GNG4: variants seen among roughly 807,000 people sequenced by gnomAD.
The protein encoded by GNG4 is guanine nucleotide-binding protein G(I)/G(S)/G(O) subunit gamma-4.
A neutral mutation model predicts 5.8 loss-of-function variants in GNG4; 4 were observed. The ratio of observed to expected loss-of-function variants is 0.69; its 90% confidence interval spans 0.34 to 1.57. GNG4 has a LOEUF of 1.57. Among genes scored for constraint, GNG4 ranks in the 40% most tolerant of loss-of-function variants. The probability of loss-of-function intolerance (pLI) is 0.06; values close to 1 mark genes in which losing one functional copy is unlikely to be tolerated. For synonymous variants in GNG4, 29 were observed against 32.9 expected, an observed-to-expected ratio of 0.88 and a Z score of 0.41; for missense variants, 96 against 95.1, an observed-to-expected ratio of 1.01 and a Z score of -0.04.
Position 235,639,016 on chromosome 1 carries a change from T to C in GNG4, c.-123+10646A>G, listed in dbSNP as rs138773650. ...AATTATTTATAATCCTTTGGGTATA[T>C]ACCCAGTAACGGGCCCTCCTGCATT... On this transcript the variant is annotated intron_variant, in intron 1 of 3. Coordinates refer to ENST00000391854, the MANE Select transcript of GNG4 (RefSeq NM_001098722.2). 9.1e-3 allele frequency among the ~76,000 whole-genome samples: 1,382 copies of C among 152,262 alleles called. 17 individuals carry two copies. The highest frequency in any genetic ancestry group is 0.032 in the African/African-American group (1,319 of 41,524).
chr1:235,584,917 T>C (rs1687723540), intron 2 of GNG4, among the ~76,000 whole-genome samples: 1 of 152,218 alleles, frequency 6.6e-6, no homozygotes, highest in African/African-American at 2.4e-5. Flanking sequence ...TTGGACTTTA[T>C]TGTATTAATT....
At position 235,631,574 on chromosome 1, in the gene GNG4, T is replaced by TC. The variant is rs1258822791; in HGVS notation, c.-123+18087dup. ...AGCTTACTTTTTTCTTTTCTTTCTT[T>TC]CTTTTTTTTTTTTTCAGACAGAGTC... On this transcript the variant is annotated intron_variant, in intron 1 of 3. Transcript: ENST00000391854. Among the ~76,000 whole-genome samples the TC allele has an allele frequency of 6.3e-4, 66 of 104,202 alleles. 1 individual carries two copies. The highest frequency in any genetic ancestry group is 3.8e-3 in the African/African-American group (64 of 16,872). 68.4% of individuals were successfully genotyped at this position (104,202 alleles called of 152,430 possible).
intron 1 of GNG4, among the ~76,000 whole-genome samples, chr1:235,604,660 A>G (rs1424835814): frequency 1.3e-5 from 2 of 152,206 alleles, no homozygotes; most frequent in Non-Finnish European, 2.9e-5. Flanking sequence ...TAAAGATACC[A>G]GCCATTGGTC....
At chr1:235,626,753 G>A (rs113191426) in intron 1 of GNG4, among the ~76,000 whole-genome samples, 7,665 of 152,090 alleles carry the variant, frequency 0.05, 627 homozygotes, top group African/African-American at 0.17. Context: ...GAGGTCAGGA[G>A]TTAGGGACCA....
Position 235,548,079 on chromosome 1 carries a change from C to T in GNG4, c.*4030G>A, listed in dbSNP as rs1269590874. On this transcript the variant is annotated 3_prime_UTR_variant, in exon 4 of 4. Coordinates refer to ENST00000391854, the MANE Select transcript of GNG4 (RefSeq NM_001098722.2). ...TACCCTAATGTGCTTATCCAGCCAA[C>T]ATGGGCATTGGGGTGCTTTCCTGTT... is the stretch of plus-strand genomic sequence containing the variant. 2 of 152,166 alleles carry T rather than the reference C, an allele frequency of 1.3e-5. No individual in the cohort carries two copies. Among genetic ancestry groups the T allele is most frequent in the Non-Finnish European group, 2.9e-5 (2 of 68,032 alleles). The allele number at this position is 152,166 out of a possible 1,614,324, so 9.4% of individuals were successfully genotyped here. A position where few individuals can be genotyped will look rare whatever the true frequency, so the allele number is the denominator to read the frequency against.
In GNG4 at chr1:235,583,824, C is replaced by T. The variant is rs143786563; in HGVS notation, c.15G>A (p.Met5Ile). 12 of 1,612,658 alleles carry T rather than the reference C, an allele frequency of 7.4e-6. No individual in the cohort carries two copies. Among genetic ancestry groups the T allele is most frequent in the Admixed American group, 6.7e-5 (4 of 59,974 alleles). ...AGATGCTAGTGGTGCTGTTATTAGACATGCCCTCTTTCATTCTACTGCCCC... is the reference window on the plus strand; with the variant it reads ...AGATGCTAGTGGTGCTGTTATTAGATATGCCCTCTTTCATTCTACTGCCCC... MKEGMSNNSTTSISQ... is the reference protein window; with the variant it reads MKEGISNNSTTSISQ... Residue 5 changes from methionine to isoleucine, a missense_variant, in exon 3 of 4, where the codon ATG (methionine) becomes ATA (isoleucine). Physicochemically the swap from Met to Ile is conservative, Grantham distance 10 (BLOSUM62 1). Transcript: ENST00000391854.
chr1:235,553,601 C>T (rs555743434), intron 3 of GNG4, among the ~76,000 whole-genome samples: 2 of 152,152 alleles, frequency 1.3e-5, no homozygotes, highest in Non-Finnish European at 2.9e-5. Flanking sequence ...CAGACCTAAC[C>T]GCTTTAGCAA....
At chr1:235,602,519 G>A (rs745835295) in intron 1 of GNG4, among the ~76,000 whole-genome samples, 6 of 152,136 alleles carry the variant, frequency 3.9e-5, no homozygotes, top group South Asian at 2.1e-4. Flanking sequence ...GTGTTTCTGC[G>A]TCTCTTGGTC....
At chr1:235,605,339 C>T (rs560102722) in intron 1 of GNG4, among the ~76,000 whole-genome samples, 18 of 152,106 alleles carry the variant, frequency 1.2e-4, no homozygotes, top group South Asian at 6.2e-4. Context: ...TACAGGCATG[C>T]GCCACCACGC....
rs1686655019 is a variant in GNG4 at position 235,548,808 on chromosome 1, T to G, written c.*3301A>C. 6.6e-6 allele frequency: 1 copy of G among 152,208 alleles called. No individual in the cohort carries two copies. Among genetic ancestry groups the G allele is most frequent in the Non-Finnish European group, 1.5e-5 (1 of 68,060 alleles). The allele number at this position is 152,208 out of a possible 1,614,324, so 9.4% of individuals were successfully genotyped here. On this transcript the variant is annotated 3_prime_UTR_variant, in exon 4 of 4. Transcript: ENST00000391854. ...GCTGCACTCCACAATGCAAGCAGGC[T>G]TTATTCCATTCATCTTCCACTGACA...
chr1:235,608,044 T>C (rs1688400855), intron 1 of GNG4, among the ~76,000 whole-genome samples: 1 of 151,908 alleles, frequency 6.6e-6, no homozygotes, highest in Admixed American at 6.6e-5. Flanking sequence ...CTCAGGCCAT[T>C]CTCCTTCCTG....
intron 1 of GNG4, among the ~76,000 whole-genome samples, chr1:235,641,069 C>T (rs572463103): frequency 5.9e-5 from 9 of 152,336 alleles, no homozygotes; most frequent in African/African-American, 2.2e-4. Context: ...CCACCTTATT[C>T]TGTCAGGAAG....
intron 2 of GNG4, among the ~76,000 whole-genome samples, chr1:235,593,264 T>A (rs115477555): frequency 1.3e-5 from 2 of 152,218 alleles, no homozygotes; most frequent in Admixed American, 1.3e-4. Context: ...TGTAAAATTC[T>A]GATGGGCTGC....
chr1:235,592,982 C>T (rs1416657557), intron 2 of GNG4, among the ~76,000 whole-genome samples: 16 of 144,052 alleles, frequency 1.1e-4, no homozygotes, highest in Non-Finnish European at 1.8e-4. Flanking sequence ...GAGTCTTGCT[C>T]TTTTACCCAG....
chr1:235,608,409 C>T (rs969079091), intron 1 of GNG4, among the ~76,000 whole-genome samples: 2 of 152,214 alleles, frequency 1.3e-5, no homozygotes, highest in African/African-American at 2.4e-5. Context: ...AACTCAGTGA[C>T]GTTTAGTACA....
At chr1:235,591,857 G>A (rs1182559020) in intron 2 of GNG4, among the ~76,000 whole-genome samples, 1 of 152,212 alleles carries the variant, frequency 6.6e-6, no homozygotes, top group East Asian at 1.9e-4. Flanking sequence ...TCGCACCGGG[G>A]GTTTCTTGAG....
At chr1:235,582,560 G>C (rs73118798) in intron 3 of GNG4, among the ~76,000 whole-genome samples, 4,647 of 152,274 alleles carry the variant, frequency 0.031, 231 homozygotes, top group African/African-American at 0.11. Flanking sequence ...TTTCCTGTCT[G>C]CACTTCTGGA....
intron 1 of GNG4, among the ~76,000 whole-genome samples, chr1:235,614,148 T>G (rs1051511467): frequency 2.0e-5 from 3 of 152,214 alleles, no homozygotes; most frequent in Non-Finnish European, 2.9e-5. Context: ...TCTTTGGTTG[T>G]TTGTGTTTTC....
chr1:235,573,675 G>A (rs1447247573), intron 3 of GNG4, among the ~76,000 whole-genome samples: 3 of 152,110 alleles, frequency 2.0e-5, no homozygotes, highest in East Asian at 1.9e-4. Flanking sequence ...TACTCAGGAG[G>A]CCGAGGCAGG....
Sources: allele counts gnomAD v4.1 joint callset (sites outside exome capture counted in the v4.1 genomes callset), GRCh38; gene constraint gnomAD v4.1.1; transcripts MANE v1.5; gene names NCBI Gene and HGNC (gene_info 2026-07-23, HGNC 2026-07-21).